The following MOBP variants were observed in gnomAD, a reference collection of about 807,000 sequenced individuals.
MOBP encodes myelin associated oligodendrocyte basic protein.
MOBP carries 5 observed loss-of-function variants against 15.0 expected under a neutral mutation model. The ratio of observed to expected loss-of-function variants is 0.33; its 90% CI spans 0.17 to 0.70. MOBP has a LOEUF of 0.70. MOBP is among the 30% of genes least tolerant of loss of function. MOBP has a pLI of 0.67. For synonymous variants in MOBP, 88 were observed against 99.0 expected (o/e 0.89, Z 0.66); for missense variants, 188 against 257.8 (o/e 0.73, Z 1.85).
downstream of MOBP, chr3:39,528,389 C>A (rs892592230): frequency 9.9e-5 from 13 of 131,622 alleles, no homozygotes; most frequent in Non-Finnish European, 1.5e-4. Flanking sequence ...ATACCTCAAG[C>A]TAGGGAAAAA....
At chr3:39,508,970 GTA>G (rs1295629450) in intron 4 of MOBP, among the ~76,000 whole-genome samples, 1 of 151,924 alleles carries the variant, frequency 6.6e-6, no homozygotes, top group African/African-American at 2.4e-5. Context: ...TCCCTATACA[GTA>G]TATATGTATA....
intron 1 of MOBP, among the ~76,000 whole-genome samples, chr3:39,478,912 C>A (rs1025326815): frequency 2.6e-5 from 4 of 151,812 alleles, no homozygotes; most frequent in Admixed American, 6.6e-5. Context: ...TCACTGCAAC[C>A]CTCACCTCCC....
At chr3:39,517,646 G>A (rs2043219913), downstream of MOBP, 1 of 152,212 alleles carries the variant, frequency 6.6e-6, no homozygotes, top group Non-Finnish European at 1.5e-5. Context: ...GAATTAAAGA[G>A]TGTACTATTT....
At chr3:39,527,885 C>T (rs184698646), downstream of MOBP, 2 of 152,328 alleles carry the variant, frequency 1.3e-5, no homozygotes, top group African/African-American at 4.8e-5. Flanking sequence ...TTGGTGCTAA[C>T]ATGAAGCTGA....
chr3:39,511,899 G>T (rs1235874193), intron 4 of MOBP, among the ~76,000 whole-genome samples: 1 of 152,108 alleles, frequency 6.6e-6, no homozygotes, highest in Non-Finnish European at 1.5e-5. Context: ...GAATTGAAAA[G>T]GTTTGAATCT....
chr3:39,517,010 A>G (rs970266574), downstream of MOBP, among the ~76,000 whole-genome samples: 1 of 151,968 alleles, frequency 6.6e-6, no homozygotes, highest in African/African-American at 2.4e-5. Flanking sequence ...TTCCTGCCTG[A>G]CTCCATCACA....
At chr3:39,520,876 T>C (rs566866898), downstream of MOBP, among the ~76,000 whole-genome samples, 1 of 152,098 alleles carries the variant, frequency 6.6e-6, no homozygotes, top group East Asian at 1.9e-4. Context: ...TCTGTGAAAA[T>C]GAAAAAACTT....
At chr3:39,514,153 C>G (rs1034113964) in exon 5 of MOBP, 5 of 152,258 alleles carry the variant, frequency 3.3e-5, no homozygotes, top group Non-Finnish European at 7.3e-5. Context: ...CCCTTGTCTC[C>G]AACCTTACAT....
rs368712854 is a variant in MOBP, at chr3:39,472,669, T to C, written c.-89+4929T>C. Among the ~76,000 whole-genome samples, 175 of 152,316 alleles carry C rather than the reference T, an allele frequency of 1.1e-3. 2 individuals are homozygous for C. Among genetic ancestry groups the C allele is most frequent in the African/African-American group, 3.9e-3 (164 of 41,582 alleles). On this transcript the variant is annotated intron_variant, in intron 1 of 3. Coordinates refer to ENST00000684792, the MANE Select transcript of MOBP (RefSeq NM_001393704.1). ...GGCCAGGCATGGTGGCTCATGCCTGTAATCCTAGCACTTTGGGAGGCTGAG... is the reference window on the plus strand; with the variant it reads ...GGCCAGGCATGGTGGCTCATGCCTGCAATCCTAGCACTTTGGGAGGCTGAG...
chr3:39,478,752 T>TC (rs1165735376), intron 1 of MOBP, among the ~76,000 whole-genome samples: 1 of 150,970 alleles, frequency 6.6e-6, no homozygotes, highest in African/African-American at 2.4e-5. Context: ...GTATATTTTT[T>TC]CAGCTTTATT....
At chr3:39,483,082 A>G (rs1259170986) in intron 2 of MOBP, among the ~76,000 whole-genome samples, 1 of 152,156 alleles carries the variant, frequency 6.6e-6, no homozygotes, top group Non-Finnish European at 1.5e-5. Flanking sequence ...AATTACTTCT[A>G]AAGATGGTAC....
chr3:39,498,385 C>G (rs1675347683), intron 2 of MOBP, among the ~76,000 whole-genome samples: 1 of 152,080 alleles, frequency 6.6e-6, no homozygotes, highest in Non-Finnish European at 1.5e-5. Flanking sequence ...GAGTCTTGCT[C>G]TATCTCTCAG....
At chr3:39,477,646 G>T (rs1462599251) in intron 1 of MOBP, among the ~76,000 whole-genome samples, 1 of 148,576 alleles carries the variant, frequency 6.7e-6, no homozygotes, top group African/African-American at 2.6e-5. Context: ...ACAGCCTCAG[G>T]CAGGTTCTTC....
At chr3:39,474,283 T>TAAC (rs2042512199) in intron 1 of MOBP, among the ~76,000 whole-genome samples, 1 of 152,224 alleles carries the variant, frequency 6.6e-6, no homozygotes. Context: ...ATGGTTTATG[T>TAAC]AAGTTACTGT....
intron 2 of MOBP, among the ~76,000 whole-genome samples, chr3:39,482,734 C>T (rs532027730): frequency 2.0e-4 from 31 of 151,844 alleles, no homozygotes; most frequent in African/African-American, 5.3e-4. Context: ...ATTTCCCTCC[C>T]TTATAGTATT....
At chr3:39,492,363 A>G (rs1030733608) in intron 2 of MOBP, among the ~76,000 whole-genome samples, 1 of 152,042 alleles carries the variant, frequency 6.6e-6, no homozygotes, top group South Asian at 2.1e-4. Flanking sequence ...ACTCTTATCC[A>G]CCTTGAGAAG....
At chr3:39,520,577 A>T (rs201149885), downstream of MOBP, among the ~76,000 whole-genome samples, 46 of 94,598 alleles carry the variant, frequency 4.9e-4, no homozygotes, top group African/African-American at 1.6e-3. Flanking sequence ...TGTGTGTATG[A>T]GAGAGAGAGA....
intron 2 of MOBP, among the ~76,000 whole-genome samples, chr3:39,495,136 G>T (rs1375977573): frequency 6.6e-6 from 1 of 152,140 alleles, no homozygotes; most frequent in Non-Finnish European, 1.5e-5. Context: ...ATTGTTTCCA[G>T]AAATGCACAG....
downstream of MOBP, chr3:39,526,797 A>C (rs572251740): frequency 5.0e-4 from 44 of 87,472 alleles, no homozygotes; most frequent in African/African-American, 1.8e-3. Flanking sequence ...TTTTTTTGAG[A>C]TGGAGTTTCA....
Sources: gnomAD v4.1 joint callset for allele counts (sites outside exome capture counted in the v4.1 genomes callset) on GRCh38, gnomAD v4.1.1 for gene constraint, MANE v1.5 for transcripts, NCBI Gene and HGNC (gene_info 2026-07-23, HGNC 2026-07-21) for gene names.